EVA1A: variants seen among roughly 807,000 people sequenced by gnomAD.
The protein encoded by EVA1A is protein eva-1 homolog A.
In EVA1A, 7 loss-of-function variants were observed where a neutral mutation model predicts 9.8. The ratio of observed to expected loss-of-function variants is 0.71; its 90% CI spans 0.41 to 1.34. The LOEUF (loss-of-function observed/expected upper bound fraction) is 1.34. Ranked by LOEUF, EVA1A falls within the 40% of genes most tolerant of loss-of-function variation. EVA1A has a pLI of 0.01. For missense variants in EVA1A, 206 were observed against 205.9 expected (o/e 1.00, Z 0.00); for synonymous variants, 90 against 85.6 (o/e 1.05, Z -0.28).
intron 1 of EVA1A, among the ~76,000 whole-genome samples, chr2:75,565,997 C>T (rs905514873): frequency 6.6e-6 from 1 of 152,164 alleles, no homozygotes; most frequent in African/African-American, 2.4e-5. Context: ...CTTTCTCTCT[C>T]TATCTCTCTC....
intron 1 of EVA1A, among the ~76,000 whole-genome samples, chr2:75,543,428 C>T (rs1304380292): frequency 4.6e-5 from 7 of 152,082 alleles, no homozygotes; most frequent in South Asian, 2.1e-4. Flanking sequence ...GCTTCCCAGT[C>T]CCAAAAGTGA....
chr2:75,533,261 A>G (rs6731659), intron 1 of EVA1A, among the ~76,000 whole-genome samples: 38,779 of 152,044 alleles, frequency 0.26, 5,384 homozygotes, highest in African/African-American at 0.36. Flanking sequence ...GGAAAAAACA[A>G]TTCAGAACAC....
At chr2:75,513,591 C>A (rs919809695) in intron 3 of EVA1A, among the ~76,000 whole-genome samples, 1 of 152,202 alleles carries the variant, frequency 6.6e-6, no homozygotes, top group African/African-American at 2.4e-5. Flanking sequence ...ACTCCATACT[C>A]ATTGTAGCCC....
intron 1 of EVA1A, among the ~76,000 whole-genome samples, chr2:75,534,875 T>C (rs552666748): frequency 6.6e-6 from 1 of 152,240 alleles, no homozygotes; most frequent in African/African-American, 2.4e-5. Context: ...ATTCTTATGG[T>C]TTCAGATATT....
chr2:75,545,397 G>C (rs1291179305), intron 1 of EVA1A, among the ~76,000 whole-genome samples: 1 of 152,166 alleles, frequency 6.6e-6, no homozygotes, highest in African/African-American at 2.4e-5. Context: ...AACAGAGAAG[G>C]CCATAGAGGA....
upstream of EVA1A, among the ~76,000 whole-genome samples, chr2:75,563,635 C>T (rs954402018): frequency 2.0e-5 from 3 of 152,186 alleles, no homozygotes; most frequent in South Asian, 2.1e-4. Context: ...AAAACTGGAA[C>T]AACATGAAGA....
chr2:75,523,628 C>T (rs1467017366), intron 1 of EVA1A, among the ~76,000 whole-genome samples: 1 of 152,202 alleles, frequency 6.6e-6, no homozygotes, highest in Non-Finnish European at 1.5e-5. Context: ...CCCCTCCCAA[C>T]CATCACAGTG....
At chr2:75,503,445 G>A (rs953484636) in intron 3 of EVA1A, among the ~76,000 whole-genome samples, 4 of 152,098 alleles carry the variant, frequency 2.6e-5, no homozygotes, top group Non-Finnish European at 5.9e-5. Flanking sequence ...TTGTTTTCAC[G>A]GGCAGGAAGA....
intron 3 of EVA1A, among the ~76,000 whole-genome samples, chr2:75,500,854 C>T (rs1321243415): frequency 6.6e-6 from 1 of 151,134 alleles, no homozygotes; most frequent in African/African-American, 2.4e-5. Context: ...ATTAATTAAT[C>T]TCAGCCATTC....
At chr2:75,518,373 G>C (rs1203657053) in intron 2 of EVA1A, among the ~76,000 whole-genome samples, 165 bp from the exon 3 acceptor site, 2 of 152,022 alleles carry the variant, frequency 1.3e-5, no homozygotes, top group Non-Finnish European at 2.9e-5. Context: ...CACTTTTTTG[G>C]GGGTATAGCT....
In EVA1A at chr2:75,534,773, A is replaced by C. The variant is rs572067394; in HGVS notation, c.-191-12286T>G. 3.9e-5 allele frequency among the ~76,000 whole-genome samples: 6 copies of C among 152,136 alleles called. No homozygotes were observed. In the East Asian group the frequency reaches 9.7e-4, roughly 25 times the overall value. On this transcript the variant is annotated intron_variant, in intron 1 of 3. Coordinates refer to ENST00000393913, the MANE Select transcript of EVA1A (RefSeq NM_001135032.2). ...CTTTTAGTTTAATTGGATTCCATTT[A>C]TTTCTTTTGTTTCTGTTGCTTTTGG...
chr2:75,559,695 G>C (rs1676844451), intron 1 of EVA1A, among the ~76,000 whole-genome samples: 1 of 91,992 alleles, frequency 1.1e-5, no homozygotes. Context: ...TGAGAAAGGA[G>C]GTGGGGGGGG....
At chr2:75,516,743 C>T (rs1314939216) in intron 3 of EVA1A, among the ~76,000 whole-genome samples, 1 of 152,212 alleles carries the variant, frequency 6.6e-6, no homozygotes, top group Admixed American at 6.5e-5. Flanking sequence ...TACAGACCCT[C>T]TCTGCCAGCC....
intron 3 of EVA1A, among the ~76,000 whole-genome samples, chr2:75,507,635 C>T (rs530026785): frequency 8.5e-5 from 13 of 152,280 alleles, no homozygotes; most frequent in African/African-American, 3.1e-4. Flanking sequence ...CCCTCTATGA[C>T]ACACCTCATC....
chr2:75,500,461 G>C (rs185365789), intron 3 of EVA1A, among the ~76,000 whole-genome samples: 2 of 152,138 alleles, frequency 1.3e-5, no homozygotes, highest in Non-Finnish European at 1.5e-5. Flanking sequence ...AAATAGAACT[G>C]TCACTGAATC....
chr2:75,565,580 A>T (rs1033280729), upstream of EVA1A, among the ~76,000 whole-genome samples: 2 of 152,202 alleles, frequency 1.3e-5, no homozygotes, highest in Admixed American at 6.5e-5. Context: ...TTTTGTCCCA[A>T]GAAAGTACAA....
chr2:75,502,321 A>T (rs762368021), intron 3 of EVA1A, among the ~76,000 whole-genome samples: 3 of 152,168 alleles, frequency 2.0e-5, no homozygotes, highest in African/African-American at 7.2e-5. Flanking sequence ...GGGTTTTCAG[A>T]CCATGAAGGT....
chr2:75,558,903 C>T (rs1388430754), intron 1 of EVA1A, among the ~76,000 whole-genome samples: 1 of 152,200 alleles, frequency 6.6e-6, no homozygotes, highest in African/African-American at 2.4e-5. Flanking sequence ...ATTCCCATCC[C>T]TTCTGCTAGC....
intron 3 of EVA1A, among the ~76,000 whole-genome samples, chr2:75,501,682 C>G (rs1256985865): frequency 6.6e-6 from 1 of 152,156 alleles, no homozygotes; most frequent in African/African-American, 2.4e-5. Context: ...GAGGGACTGG[C>G]CCACTTCTGC....
Sources: gnomAD v4.1 joint callset for allele counts (sites outside exome capture counted in the v4.1 genomes callset) on GRCh38, gnomAD v4.1.1 for gene constraint, MANE v1.5 for transcripts, NCBI Gene and HGNC (gene_info 2026-07-23, HGNC 2026-07-21) for gene names.